The following PGM1 variants were observed in gnomAD, a reference collection of about 807,000 sequenced individuals.
The protein encoded by PGM1 is phosphoglucomutase-1.
A neutral mutation model predicts 55.6 loss-of-function variants in PGM1; 52 were observed. That is an observed-to-expected ratio of 0.94 (90% CI 0.75 to 1.18). The LOEUF (loss-of-function observed/expected upper bound fraction) is 1.18. Among genes scored for constraint, PGM1 ranks in the 50% most tolerant of loss-of-function variants. The pLI is 0.00. For synonymous variants in PGM1, 287 were observed against 271.7 expected (o/e 1.06, Z -0.55); for missense variants, 724 against 729.3 (o/e 0.99, Z 0.08).
At chr1:63,614,028 T>TTTCC (rs757352820) in intron 1 of PGM1, among the ~76,000 whole-genome samples, 28 of 152,312 alleles carry the variant, frequency 1.8e-4, no homozygotes, top group Non-Finnish European at 3.5e-4. Context: ...TAATCCTCAG[T>TTTCC]TTCCTTATCA....
At position 63,654,385 on chromosome 1, in the gene PGM1, CA is replaced by C; in HGVS notation, c.1519del (p.Thr507LeufsTer38). 1.2e-6 allele frequency: 2 copies of C among 1,613,974 alleles called. No individual in the cohort carries two copies. The highest frequency in any genetic ancestry group is 1.7e-6 in the Non-Finnish European group (2 of 1,179,838). On this transcript the variant is annotated frameshift_variant, in exon 10 of 11. Coordinates refer to ENST00000371084, the MANE Select transcript of PGM1 (RefSeq NM_002633.3). LOFTEE classifies it high-confidence loss of function. ...CTCGAATCGTCTTCCGACTGAGCGG[CA>C]CTGGGAGTGCCGGGGCCACCATTCG... ...GSRIVFRLSG[T>X]GSAGATIRLY...
intron 1 of PGM1, among the ~76,000 whole-genome samples, chr1:63,599,504 A>G (rs1648174320): frequency 6.6e-6 from 1 of 152,090 alleles, no homozygotes; most frequent in South Asian, 2.1e-4. Flanking sequence ...ACTTTAAAAA[A>G]AAAAAAAACC....
intron 10 of PGM1, among the ~76,000 whole-genome samples, chr1:63,658,752 C>CA (rs35160588): frequency 1.8e-3 from 211 of 119,442 alleles, no homozygotes; most frequent in African/African-American, 3.3e-3. Flanking sequence ...AACTCCATCT[C>CA]AAAAAAAAAA....
intron 10 of PGM1, among the ~76,000 whole-genome samples, chr1:63,657,950 G>A (rs777717714): frequency 3.0e-4 from 45 of 152,238 alleles, no homozygotes; most frequent in Non-Finnish European, 5.3e-4. Flanking sequence ...TGCCTGGCAC[G>A]TGGTAGATTC....
At chr1:63,599,643 A>T (rs1272219576) in intron 1 of PGM1, among the ~76,000 whole-genome samples, 1 of 152,038 alleles carries the variant, frequency 6.6e-6, no homozygotes, top group East Asian at 1.9e-4. Context: ...AAAAAAACTT[A>T]ATCTGGTGTG....
chr1:63,593,853 C>T (rs1450931171), intron 1 of PGM1, 119 bp downstream of exon 1: 25 of 1,302,348 alleles, frequency 1.9e-5, no homozygotes, highest in African/African-American at 7.8e-5. Context: ...CGGTTTCCAC[C>T]TCCCGCTCCT....
chr1:63,600,879 CT>C (rs1648222927), intron 1 of PGM1, among the ~76,000 whole-genome samples: 1 of 152,112 alleles, frequency 6.6e-6, no homozygotes, highest in Admixed American at 6.5e-5. Context: ...AAGTATTATT[CT>C]ATTATAAATT....
chr1:63,604,990 A>G (rs1435571499), intron 1 of PGM1, among the ~76,000 whole-genome samples: 2 of 151,218 alleles, frequency 1.3e-5, no homozygotes, highest in South Asian at 2.1e-4. Flanking sequence ...GTATATTTAC[A>G]TATGTAGACC....
chr1:63,593,584 C>T lies in PGM1; in HGVS notation c.96C>T (p.Ser32=), dbSNP rs988922439. Residue 32 remains serine, a synonymous_variant, in exon 1 of 11, where the codon AGC becomes AGT. Coordinates refer to ENST00000371084, the MANE Select transcript of PGM1 (RefSeq NM_002633.3). The part of the protein sequence containing the change: ...LRKRVKVFQS[S]ANYAENFIQS... ...AGCGGGTGAAGGTGTTCCAGAGCAGCGCCAACTACGCGGAGAACTTCATCC... is the reference window on the plus strand; with the variant it reads ...AGCGGGTGAAGGTGTTCCAGAGCAGTGCCAACTACGCGGAGAACTTCATCC... 6.2e-7 allele frequency: 1 copy of T among 1,613,718 alleles called. No homozygotes were observed. The highest frequency in any genetic ancestry group is 8.5e-7 in the Non-Finnish European group (1 of 1,179,914).
intron 1 of PGM1, among the ~76,000 whole-genome samples, chr1:63,620,384 G>T (rs1648849944): frequency 6.6e-6 from 1 of 152,192 alleles, no homozygotes; most frequent in Non-Finnish European, 1.5e-5. Context: ...TTGGGCTGGA[G>T]TGTCTGATTA....
rs772628932 is a variant in PGM1 at position 63,593,648 on chromosome 1, G to A, written c.160G>A (p.Glu54Lys). 53 of 1,610,782 alleles carry A rather than the reference G, an allele frequency of 3.3e-5. No homozygotes were observed. Among genetic ancestry groups the A allele is most frequent in the Middle Eastern group, 3.3e-4 (2 of 6,072 alleles). The change falls in exon 1 of 11, where the codon GAG becomes AAG. Residue 54 changes from glutamate to lysine, a missense_variant. Physicochemically the swap from Glu to Lys is moderately conservative, Grantham distance 56. Around this residue, in one of 3 missense-constraint regions of PGM1, gnomAD observed 379 missense variants for 357.5 expected, o/e 1.06. Transcript: ENST00000371084. ...CACCGTGGAGCCGGCGCAGCGGCAGGAGGCCACGCTGGTGGTGGGCGGGGA... is the reference window on the plus strand; with the variant it reads ...CACCGTGGAGCCGGCGCAGCGGCAGAAGGCCACGCTGGTGGTGGGCGGGGA... ...ISTVEPAQRQEATLVVGGDGR... is the reference protein window; with the variant it reads ...ISTVEPAQRQKATLVVGGDGR...
chr1:63,630,137 G>A (rs1649155499), intron 3 of PGM1, 49 bp downstream of exon 3: 5 of 1,585,106 alleles, frequency 3.2e-6, no homozygotes, highest in Non-Finnish European at 4.3e-6. Flanking sequence ...TCCAAGTTGA[G>A]CGATTTTCCT....
At chr1:63,609,842 T>C (rs1442712267) in intron 1 of PGM1, among the ~76,000 whole-genome samples, 1 of 152,120 alleles carries the variant, frequency 6.6e-6, no homozygotes, top group East Asian at 1.9e-4. Flanking sequence ...CTAAGGTAAG[T>C]GTTGTGGGCC....
intron 7 of PGM1, among the ~76,000 whole-genome samples, chr1:63,641,082 G>A (rs1322271093): frequency 6.6e-6 from 1 of 152,186 alleles, no homozygotes; most frequent in African/African-American, 2.4e-5. Context: ...TTTGCCAAGG[G>A]AAGTCTCTCA....
chr1:63,629,959 A>G lies in PGM1; in HGVS notation c.427A>G (p.Ile143Val), dbSNP rs780335856. ...ISNGGPAPEA[I>V]TDKIFQISKT... ...GTTTCCAGGTCCTGCTCCAGAAGCA[A>G]TAACTGATAAAATTTTCCAAATCAG... Residue 143 changes from isoleucine to valine, a missense_variant, in exon 3 of 11, where the codon ATA becomes GTA. This residue lies in a region of PGM1 where 379 missense variants were observed against 357.5 expected (regional missense o/e 1.06). Coordinates refer to ENST00000371084, the MANE Select transcript of PGM1 (RefSeq NM_002633.3). 6.2e-7 allele frequency: 1 copy of G among 1,614,074 alleles called. No individual in the cohort carries two copies. The highest frequency in any genetic ancestry group is 8.5e-7 in the Non-Finnish European group (1 of 1,179,980).
At chr1:63,609,846 G>C (rs1203172739) in intron 1 of PGM1, among the ~76,000 whole-genome samples, 1 of 152,154 alleles carries the variant, frequency 6.6e-6, no homozygotes. Flanking sequence ...GGTAAGTGTT[G>C]TGGGCCCATT....
intron 6 of PGM1, 77 bp downstream of exon 6, chr1:63,636,465 C>A: frequency 7.2e-7 from 1 of 1,391,310 alleles, no homozygotes. Context: ...GTGCCTGGAA[C>A]ACGTGTCCTT....
At chr1:63,621,991 A>G (rs1298713818) in intron 1 of PGM1, among the ~76,000 whole-genome samples, 4 of 152,174 alleles carry the variant, frequency 2.6e-5, no homozygotes, top group Non-Finnish European at 4.4e-5. Flanking sequence ...AAAAAGACTC[A>G]GATTTTGTTG....
intron 7 of PGM1, among the ~76,000 whole-genome samples, chr1:63,643,905 A>G (rs1649586363): frequency 6.6e-6 from 1 of 152,198 alleles, no homozygotes; most frequent in Admixed American, 6.5e-5. Context: ...TGAGAACTGT[A>G]TGTTCAGGGG....
Sources: allele counts gnomAD v4.1 joint callset (sites outside exome capture counted in the v4.1 genomes callset), GRCh38; gene constraint gnomAD v4.1.1; regional missense constraint gnomAD v4.1.1; transcripts MANE v1.5; gene names NCBI Gene and HGNC (gene_info 2026-07-23, HGNC 2026-07-21).